The following SPIDR variants were observed in gnomAD, a reference collection of about 807,000 sequenced individuals.
The protein encoded by SPIDR is DNA repair-scaffolding protein.
Under a neutral mutation model 104.6 loss-of-function variants are expected in SPIDR, and 93 were observed. The ratio of observed to expected loss-of-function variants is 0.89; its 90% confidence interval spans 0.75 to 1.06. The LOEUF (loss-of-function observed/expected upper bound fraction) is 1.06, where lower values mean the gene tolerates loss of function less well. SPIDR is among the 50% of genes least tolerant of loss of function. SPIDR has a pLI of 0.00. For synonymous variants in SPIDR, 431 were observed against 416.9 expected (o/e 1.03, Z -0.41); for missense variants, 1,154 against 1,111.2 (o/e 1.04, Z -0.55).
intron 5 of SPIDR, among the ~76,000 whole-genome samples, chr8:47,349,006 G>T (rs1176652201): frequency 6.6e-6 from 1 of 152,214 alleles, no homozygotes; most frequent in Admixed American, 6.5e-5. Context: ...GTGAGGAGCT[G>T]CGATCCTTTG....
chr8:47,337,747 A>G (rs782347539), intron 5 of SPIDR, among the ~76,000 whole-genome samples: 1 of 151,782 alleles, frequency 6.6e-6, no homozygotes, highest in South Asian at 2.1e-4. Flanking sequence ...GTTTTGAATT[A>G]ACTTTTTTGG....
intron 16 of SPIDR, 29 bp downstream of exon 16, chr8:47,713,670 C>T (rs2154488855): frequency 6.2e-7 from 1 of 1,612,174 alleles, no homozygotes. Context: ...GGAATTGGTG[C>T]TTATACTTTC....
At chr8:47,539,306 A>G (rs1383805220) in intron 8 of SPIDR, among the ~76,000 whole-genome samples, 1 of 152,184 alleles carries the variant, frequency 6.6e-6, no homozygotes, top group Non-Finnish European at 1.5e-5. Context: ...TCAGCACACC[A>G]TCATATGTAA....
intron 5 of SPIDR, among the ~76,000 whole-genome samples, chr8:47,361,643 C>T (rs2055981231): frequency 6.6e-6 from 1 of 152,202 alleles, no homozygotes; most frequent in Non-Finnish European, 1.5e-5. Flanking sequence ...TGGGGTGGGG[C>T]TCCACCCTCC....
chr8:47,471,664 A>G (rs188316103), intron 8 of SPIDR, among the ~76,000 whole-genome samples: 4 of 152,364 alleles, frequency 2.6e-5, no homozygotes, highest in African/African-American at 9.6e-5. Flanking sequence ...TATATACTTA[A>G]TGCCTCAGAA....
At chr8:47,729,567 A>AC (rs1343761483) in intron 19 of SPIDR, 102 bp downstream of exon 19, 1 of 1,323,874 alleles carries the variant, frequency 7.6e-7, no homozygotes, top group East Asian at 2.5e-5. Flanking sequence ...TTCTATTACA[A>AC]CCCATCCCAC....
chr8:47,319,855 A>C (rs1240684565), intron 5 of SPIDR, among the ~76,000 whole-genome samples: 1 of 152,052 alleles, frequency 6.6e-6, no homozygotes, highest in Non-Finnish European at 1.5e-5. Flanking sequence ...TACTGGGTAC[A>C]TAACGAAATG....
At chr8:47,515,796 A>G (rs1282889716) in intron 8 of SPIDR, among the ~76,000 whole-genome samples, 1 of 152,226 alleles carries the variant, frequency 6.6e-6, no homozygotes, top group African/African-American at 2.4e-5. Flanking sequence ...GTGTATACAC[A>G]TACAGTCCAT....
intron 7 of SPIDR, among the ~76,000 whole-genome samples, chr8:47,417,228 T>A (rs1251497365): frequency 6.6e-6 from 1 of 152,222 alleles, no homozygotes. Flanking sequence ...ATTGAACTAG[T>A]TTACAGTCCC....
chr8:47,356,744 G>C (rs527403893), intron 5 of SPIDR, among the ~76,000 whole-genome samples: 3 of 152,234 alleles, frequency 2.0e-5, no homozygotes, highest in Admixed American at 6.5e-5. Flanking sequence ...CAGGGGATAG[G>C]GGGTGGTTTG....
chr8:47,408,265 T>A (rs2063029581), intron 7 of SPIDR, among the ~76,000 whole-genome samples: 1 of 152,138 alleles, frequency 6.6e-6, no homozygotes, highest in East Asian at 1.9e-4. Context: ...GCAAAATTTA[T>A]TTTGTTTTAT....
intron 8 of SPIDR, among the ~76,000 whole-genome samples, chr8:47,490,806 T>C (rs1554738738): frequency 1.3e-5 from 2 of 151,998 alleles, no homozygotes; most frequent in Non-Finnish European, 2.9e-5. Flanking sequence ...TGAGAACACT[T>C]GGACACAGGA....
In SPIDR at chr8:47,678,155, G is replaced by A. The variant is rs1025280114; in HGVS notation, c.1685+4214G>A. ...TGGCATTGAGCTGTGTGCCAGATTT[G>A]GGGGATTTATCACAAACCAGAATAT... is the stretch of plus-strand genomic sequence containing the variant. On this transcript the variant is annotated intron_variant, in intron 11 of 19. Transcript: ENST00000297423. 1.1e-4 allele frequency among the ~76,000 whole-genome samples: 16 copies of A among 152,118 alleles called. 1 individual carries two copies. Among genetic ancestry groups the A allele is most frequent in the Admixed American group, 1.0e-3 (16 of 15,278 alleles).
chr8:47,482,648 A>G (rs2154362309), intron 8 of SPIDR, among the ~76,000 whole-genome samples: 1 of 152,220 alleles, frequency 6.6e-6, no homozygotes, highest in Non-Finnish European at 1.5e-5. Flanking sequence ...GTTTGGAGAG[A>G]GGTTTCTATA....
intron 10 of SPIDR, among the ~76,000 whole-genome samples, chr8:47,630,168 A>G (rs1374236121): frequency 1.3e-5 from 2 of 152,266 alleles, no homozygotes; most frequent in Non-Finnish European, 2.9e-5. Context: ...AGCAAATTGA[A>G]TTTTTGAACC....
chr8:47,635,331 G>A (rs1446439934), intron 10 of SPIDR, among the ~76,000 whole-genome samples: 1 of 152,066 alleles, frequency 6.6e-6, no homozygotes, highest in Non-Finnish European at 1.5e-5. Flanking sequence ...GTGACAGAGT[G>A]ACTGTCTCAA....
intron 7 of SPIDR, among the ~76,000 whole-genome samples, chr8:47,421,012 A>G (rs186968540): frequency 2.2e-4 from 34 of 152,280 alleles, no homozygotes; most frequent in African/African-American, 8.2e-4. Context: ...TTTGTGGGTA[A>G]CCCCACCTTT....
chr8:47,718,611 G>A (rs1168697633), intron 16 of SPIDR, among the ~76,000 whole-genome samples: 1 of 151,396 alleles, frequency 6.6e-6, no homozygotes, highest in Non-Finnish European at 1.5e-5. Context: ...CATGGTTTAA[G>A]TCACCTTTCA....
intron 11 of SPIDR, among the ~76,000 whole-genome samples, chr8:47,693,140 G>A (rs2078905169): frequency 6.6e-6 from 1 of 152,204 alleles, no homozygotes; most frequent in African/African-American, 2.4e-5. Flanking sequence ...TCTTGTTGGA[G>A]GAAATCCATT....
Sources: gnomAD v4.1 joint callset for allele counts (sites outside exome capture counted in the v4.1 genomes callset) on GRCh38, gnomAD v4.1.1 for gene constraint, MANE v1.5 for transcripts, NCBI Gene and HGNC (gene_info 2026-07-23, HGNC 2026-07-21) for gene names.